The following SYNCRIP variants were observed in gnomAD, a reference collection of about 807,000 sequenced individuals.
SYNCRIP encodes synaptotagmin binding cytoplasmic RNA interacting protein.
Under a neutral mutation model 68.9 loss-of-function variants are expected in SYNCRIP, and 9 were observed. The ratio of observed to expected loss-of-function variants is 0.13; its 90% CI spans 0.08 to 0.23. The LOEUF (loss-of-function observed/expected upper bound fraction) is 0.23. Among genes scored for constraint, SYNCRIP ranks in the 10% least tolerant of loss-of-function variants. The probability of loss-of-function intolerance (pLI) is 1.00; values close to 1 mark genes in which losing one functional copy is unlikely to be tolerated. For missense variants in SYNCRIP, 414 were observed against 770.6 expected (o/e 0.54, Z 5.48); for synonymous variants, 258 against 254.0 (o/e 1.02, Z -0.15).
At chr6:85,625,110 T>C (rs1806888982) in intron 6 of SYNCRIP, among the ~76,000 whole-genome samples, 1 of 152,180 alleles carries the variant, frequency 6.6e-6, no homozygotes, top group Non-Finnish European at 1.5e-5. Context: ...AGTCAGAAAG[T>C]TGAGTCCTCC....
chr6:85,636,476 T>C (rs1426550773), intron 6 of SYNCRIP, among the ~76,000 whole-genome samples: 1 of 152,064 alleles, frequency 6.6e-6, no homozygotes, highest in African/African-American at 2.4e-5. Context: ...AAATTTCCTT[T>C]TTAAAAAAGT....
At chr6:85,610,617 G>A (rs1301186569), downstream of SYNCRIP, 1 of 151,924 alleles carries the variant, frequency 6.6e-6, no homozygotes, top group African/African-American at 2.4e-5. Context: ...ATCCCAACAA[G>A]TAATTCTGAG....
chr6:85,635,451 G>C (rs1422846907), intron 6 of SYNCRIP, among the ~76,000 whole-genome samples: 1 of 152,076 alleles, frequency 6.6e-6, no homozygotes, highest in African/African-American at 2.4e-5. Context: ...ATGCAAACCA[G>C]TGGGGAATAT....
chr6:85,615,104 T>C lies in SYNCRIP; in HGVS notation c.1524A>G (p.Pro508=). The change falls in exon 11 of 11, where the codon CCA becomes CCG. Residue 508 remains proline, a synonymous_variant. Coordinates refer to ENST00000369622, the MANE Select transcript of SYNCRIP (RefSeq NM_006372.5). ...GAGGAGCAGCCCCACGACCTCTGGA[T>C]GGAGCAGCACCCCTTGCTCCTCTAC... ...RGGRGARGAA[P]SRGRGAAPPR... The C allele has an allele frequency of 1.2e-6, 2 of 1,614,140 alleles. No homozygotes were observed. The highest frequency in any genetic ancestry group is 2.2e-5 in the South Asian group (2 of 91,076).
chr6:85,609,500 T>C (rs540978931), downstream of SYNCRIP: 2 of 151,994 alleles, frequency 1.3e-5, no homozygotes, highest in East Asian at 1.9e-4. Flanking sequence ...CAGTAACTGG[T>C]AGAAAAGTTT....
intron 6 of SYNCRIP, among the ~76,000 whole-genome samples, chr6:85,630,781 TG>T (rs1296830687): frequency 3.3e-5 from 5 of 152,146 alleles, no homozygotes; most frequent in Non-Finnish European, 2.9e-5. Flanking sequence ...TACTACATAA[TG>T]GGGCACAGTT....
chr6:85,636,849 A>G, intron 6 of SYNCRIP, 118 bp downstream of exon 6: 1 of 974,130 alleles, frequency 1.0e-6, no homozygotes, highest in Non-Finnish European at 1.5e-6. Context: ...GGAAAAAAAA[A>G]ACCTGCCTAA....
rs200313499 is a variant in SYNCRIP, at chr6:85,614,817, T to C, written c.1811A>G (p.Tyr604Cys). 1.7e-4 allele frequency: 279 copies of C among 1,613,292 alleles called. 3 individuals carry two copies. Among genetic ancestry groups the C allele is most frequent in the Admixed American group, 5.0e-5 (3 of 59,748 alleles). ...CTCCTGGTTTTCAGATTTGTAACCA[T>C]AGTTACCAGAATGATCACCACCTTG... ...PLQGGDHSGN[Y>C]GYKSENQEFY... Residue 604 changes from tyrosine (Y) to cysteine (C), a missense_variant, in exon 11 of 11, where the codon TAT becomes TGT. Physicochemically the swap from Tyr to Cys is radical, Grantham distance 194 (BLOSUM62 -2). Coordinates refer to ENST00000369622, the MANE Select transcript of SYNCRIP (RefSeq NM_006372.5).
At chr6:85,641,590 C>T in intron 1 of SYNCRIP, 139 bp from the exon 2 acceptor site, 1 of 824,140 alleles carries the variant, frequency 1.2e-6, no homozygotes. Context: ...CTTACAGTCA[C>T]TATCGCCTGA....
intron 8 of SYNCRIP, among the ~76,000 whole-genome samples, chr6:85,620,579 A>C (rs1320880662): frequency 6.6e-6 from 1 of 152,220 alleles, no homozygotes; most frequent in Non-Finnish European, 1.5e-5. Flanking sequence ...CTATGATGGA[A>C]ACACGGTTAT....
downstream of SYNCRIP, among the ~76,000 whole-genome samples, chr6:85,613,365 G>C (rs1180568578): frequency 6.6e-6 from 1 of 152,176 alleles, no homozygotes; most frequent in Non-Finnish European, 1.5e-5. Flanking sequence ...TTTTAAGAAA[G>C]TTTGTCTTTC....
intron 1 of SYNCRIP, among the ~76,000 whole-genome samples, chr6:85,642,168 G>C (rs1449315877): frequency 6.6e-6 from 1 of 152,110 alleles, no homozygotes; most frequent in Non-Finnish European, 1.5e-5. Flanking sequence ...TCTCTCCCCT[G>C]AACACCGAGG....
intron 4 of SYNCRIP, among the ~76,000 whole-genome samples, chr6:85,639,479 C>T (rs1305360777): frequency 6.6e-6 from 1 of 152,158 alleles, no homozygotes; most frequent in Non-Finnish European, 1.5e-5. Flanking sequence ...CCAACCTTTT[C>T]CATATTCTAG....
chr6:85,637,471 T>C lies in SYNCRIP; in HGVS notation c.376-115A>G, dbSNP rs546531029. 1.5e-3 allele frequency: 1,019 copies of C among 664,090 alleles called. 3 individuals are homozygous for C. Among genetic ancestry groups the C allele is most frequent in the Non-Finnish European group, 2.2e-3 (864 of 392,492 alleles). 41.1% of individuals were successfully genotyped at this position (664,090 alleles called of 1,614,324 possible). On this transcript the variant is annotated intron_variant, in intron 4 of 10. Transcript: ENST00000369622. ...CCAATTATCTTGGCATGTTCCCTTA[T>C]AAAAACAGGTTTGTGATGTCTGTTT...
intron 6 of SYNCRIP, among the ~76,000 whole-genome samples, chr6:85,627,412 T>C (rs939009075): frequency 4.0e-5 from 6 of 151,860 alleles, no homozygotes; most frequent in African/African-American, 7.3e-5. Context: ...ACCTAGAAAT[T>C]AACATTTCCG....
Position 85,615,324 on chromosome 6 carries a change from C to T in SYNCRIP, c.1304G>A (p.Gly435Asp). ...TGTTGGAGGGGGCATATGAGGTGGA[C>T]CATAATAGTAGTAATCGTCATACCT... is the stretch of plus-strand genomic sequence containing the variant. ...NQMYDDYYYYGPPHMPPPTRG... is the reference protein window; with the variant it reads ...NQMYDDYYYYDPPHMPPPTRG... Residue 435 changes from glycine to aspartate, a missense_variant, in exon 11 of 11, where the codon GGT (glycine) becomes GAT (aspartate). By Grantham distance (94) the Gly-to-Asp change is moderately conservative. Around this residue, in one of 6 missense-constraint regions of SYNCRIP, gnomAD observed 72 missense variants for 119.8 expected, o/e 0.60. Coordinates refer to ENST00000369622, the MANE Select transcript of SYNCRIP (RefSeq NM_006372.5). 6.5e-7 allele frequency: 1 copy of T among 1,537,170 alleles called. No individual in the cohort carries two copies. Among genetic ancestry groups the T allele is most frequent in the Non-Finnish European group, 8.8e-7 (1 of 1,138,682 alleles).
rs113756049 is a variant in SYNCRIP at position 85,640,210 on chromosome 6, G to A, written c.375+11C>T. The A allele has an allele frequency of 1.1e-5, 18 of 1,589,640 alleles. No homozygotes were observed. The African/African-American group carries it at 1.6e-4, about 14-fold the overall frequency. The stretch of plus-strand genomic sequence containing the variant: ...TGACTTTAAAACTAAAGGGAGTATA[G>A]AAAGACATACCTTAATTTTTGCCTC... On this transcript the variant is annotated intron_variant, in intron 4 of 10. Transcript: ENST00000369622.
At chr6:85,643,564 A>T (rs1431365419), upstream of SYNCRIP, among the ~76,000 whole-genome samples, 1 of 107,692 alleles carries the variant, frequency 9.3e-6, no homozygotes, top group Non-Finnish European at 1.9e-5. Flanking sequence ...AGCGTGTCCC[A>T]CTCGTTTTCC....
At chr6:85,643,865 C>G (rs569382565), upstream of SYNCRIP, 2 of 152,240 alleles carry the variant, frequency 1.3e-5, no homozygotes, top group Non-Finnish European at 2.9e-5. Flanking sequence ...TGCAGGCGCA[C>G]GTGTCCCCCG....
Sources: allele counts gnomAD v4.1 joint callset (sites outside exome capture counted in the v4.1 genomes callset), GRCh38; gene constraint gnomAD v4.1.1; regional missense constraint gnomAD v4.1.1; transcripts MANE v1.5; gene names NCBI Gene and HGNC (gene_info 2026-07-23, HGNC 2026-07-21).